Variants in SHANK2 observed in about 807,000 individuals in gnomAD.
SHANK2 encodes the protein SH3 and multiple ankyrin repeat domains protein 2.
A neutral mutation model predicts 133.7 loss-of-function variants in SHANK2; 43 were observed. The ratio of observed to expected loss-of-function variants is 0.32; its 90% CI spans 0.25 to 0.41. The LOEUF is 0.41. Among genes scored for constraint, SHANK2 ranks in the 10% least tolerant of loss-of-function variants. The pLI is 1.00. For missense variants in SHANK2, 1,994 were observed against 2,235.8 expected (o/e 0.89, Z 2.18); for synonymous variants, 1,017 against 952.8 (o/e 1.07, Z -1.24).
chr11:70,920,581 T>G (rs1250816291), intron 10 of SHANK2, among the ~76,000 whole-genome samples: 2 of 152,210 alleles, frequency 1.3e-5, no homozygotes, highest in African/African-American at 4.8e-5. Flanking sequence ...AAATTAAACA[T>G]AGCTGCTGGC....
intron 2 of SHANK2, among the ~76,000 whole-genome samples, chr11:71,203,241 A>C (rs537657326): frequency 1.3e-5 from 2 of 152,326 alleles, no homozygotes; most frequent in Admixed American, 6.5e-5. Context: ...ACCTTTGCCA[A>C]GACCTTAGTG....
chr11:70,848,414 A>G (rs73532102), intron 11 of SHANK2, among the ~76,000 whole-genome samples: 6,585 of 152,256 alleles, frequency 0.043, 426 homozygotes, highest in African/African-American at 0.15. Flanking sequence ...AGTGAGCTCC[A>G]CGGGACCCTG....
At chr11:70,617,983 T>TATA (rs1167875769) in intron 17 of SHANK2, among the ~76,000 whole-genome samples, 3 of 151,860 alleles carry the variant, frequency 2.0e-5, no homozygotes, top group African/African-American at 7.3e-5. Flanking sequence ...AAACTTAAAG[T>TATA]ATAATAATAA....
chr11:70,778,989 T>C (rs989151342), intron 14 of SHANK2, among the ~76,000 whole-genome samples: 3 of 151,768 alleles, frequency 2.0e-5, no homozygotes, highest in Non-Finnish European at 2.9e-5. Context: ...AAGGACAGGG[T>C]TGGTACCCAG....
rs781927915 is a variant in SHANK2, at chr11:70,502,893, C to T, written c.2100G>A (p.Gln700=). Residue 700 remains glutamine, a synonymous_variant, in exon 18 of 26, where the codon CAG becomes CAA. Transcript: ENST00000601538. ...CTCCCTGCCGGATCATGTTCACCACCTGCCTGTGGCCGACTTTGACAACAT... is the reference window on the plus strand; with the variant it reads ...CTCCCTGCCGGATCATGTTCACCACTTGCCTGTGGCCGACTTTGACAACAT... The part of the protein sequence containing the change: ...NENVVKVGHR[Q]VVNMIRQGGN... The T allele has an allele frequency of 1.5e-5, 25 of 1,614,066 alleles. No individual in the cohort carries two copies. The South Asian group carries it at 2.5e-4, about 16-fold the overall frequency.
chr11:71,065,859 T>G (rs1951048289), intron 9 of SHANK2, among the ~76,000 whole-genome samples: 2 of 60,154 alleles, frequency 3.3e-5, no homozygotes, highest in South Asian at 6.7e-4. Flanking sequence ...CCCAGGGAGA[T>G]GAGCGGTGAG....
intron 17 of SHANK2, among the ~76,000 whole-genome samples, chr11:70,607,315 AG>A (rs1328777655): frequency 6.6e-6 from 1 of 152,140 alleles, no homozygotes; most frequent in East Asian, 1.9e-4. Flanking sequence ...GGAAGGTCAG[AG>A]GTGACCAGCT....
Position 70,748,805 on chromosome 11 carries a change from T to C in SHANK2, c.1777+49638A>G, listed in dbSNP as rs759516130. Among the ~76,000 whole-genome samples the C allele has an allele frequency of 6.0e-4, 92 of 152,290 alleles. 1 individual carries two copies. Among genetic ancestry groups the C allele is most frequent in the Middle Eastern group, 3.4e-3 (1 of 294 alleles). Reference sequence around the variant, plus strand: ...TGACCGTGAATGTGAAGACCACTAGTGCCGAATAAGCTGGCGACCCCCTCC... The same window carrying C: ...TGACCGTGAATGTGAAGACCACTAGCGCCGAATAAGCTGGCGACCCCCTCC... On this transcript the variant is annotated intron_variant, in intron 14 of 25. Transcript: ENST00000601538.
At position 70,486,212 on chromosome 11, in the gene SHANK2, T is replaced by C; in HGVS notation, c.4081A>G (p.Ile1361Val). 6.2e-7 allele frequency: 1 copy of C among 1,613,604 alleles called. No homozygotes were observed. The highest frequency in any genetic ancestry group is 8.5e-7 in the Non-Finnish European group (1 of 1,179,862). Residue 1361 changes from isoleucine to valine, a missense_variant, in exon 25 of 26, where the codon ATC becomes GTC. By Grantham distance (29) the Ile-to-Val change is conservative. Transcript: ENST00000601538. The surrounding 1 kb of genome is among the most constrained non-coding windows in gnomAD (Gnocchi z 8.0). ...GTGGTGGGCTCGGGGGCAGCGGAGA[T>C]CTGTAAAGCACCTTCGGTTTCGGAA... ...GVSETEGALQ[I>V]SAAPEPTTVP...
intron 3 of SHANK2, among the ~76,000 whole-genome samples, chr11:71,141,912 C>T (rs1419048077): frequency 2.0e-5 from 3 of 152,064 alleles, no homozygotes; most frequent in Non-Finnish European, 2.9e-5. Context: ...GGACCCCGCA[C>T]AGACACAAAA....
At chr11:70,506,710 G>T (rs534751772) in intron 17 of SHANK2, among the ~76,000 whole-genome samples, 3 of 152,288 alleles carry the variant, frequency 2.0e-5, no homozygotes, top group Admixed American at 6.5e-5. Context: ...ATGGTATCCG[G>T]TGAGCCCTGG....
In SHANK2 at chr11:71,200,831, T is replaced by TACACACACACAC. The variant is rs56749664; in HGVS notation, c.-13+23854_-13+23865dup. ...CAGAGAGGTATCAAGTCTCAATTAA[T>TACACACACACAC]ACACACACACACACACACACACACA... On this transcript the variant is annotated intron_variant, in intron 2 of 25. Coordinates refer to ENST00000601538, the MANE Select transcript of SHANK2 (RefSeq NM_012309.5). Among the ~76,000 whole-genome samples, 193 of 145,032 alleles carry TACACACACACAC rather than the reference T, an allele frequency of 1.3e-3. 1 individual carries two copies. The highest frequency in any genetic ancestry group is 4.5e-3 in the African/African-American group (176 of 39,174).
intron 14 of SHANK2, among the ~76,000 whole-genome samples, chr11:70,748,334 C>A (rs1946685470): frequency 2.0e-5 from 3 of 152,128 alleles, no homozygotes. Context: ...ATCCCTGGGG[C>A]AAAAGGTCCT....
intron 8 of SHANK2, among the ~76,000 whole-genome samples, chr11:71,087,232 T>C (rs1261443832): frequency 1.3e-5 from 2 of 152,116 alleles, no homozygotes; most frequent in African/African-American, 4.8e-5. Context: ...GAGTGACTGA[T>C]GGTCAGGGCT....
At chr11:70,661,575 G>A in intron 16 of SHANK2, 21 bp downstream of exon 16, 4 of 1,554,382 alleles carry the variant, frequency 2.6e-6, no homozygotes, top group Admixed American at 1.7e-5. Flanking sequence ...ACATATTCAG[G>A]CTCAGAGCGG....
intron 11 of SHANK2, among the ~76,000 whole-genome samples, chr11:70,849,515 G>A (rs1038588309): frequency 6.6e-6 from 1 of 152,146 alleles, no homozygotes; most frequent in Admixed American, 6.5e-5. Flanking sequence ...GGCTCAGGGT[G>A]GACCCCAGAG....
At chr11:71,100,068 C>G (rs1555096361) in intron 6 of SHANK2, among the ~76,000 whole-genome samples, 1 of 150,150 alleles carries the variant, frequency 6.7e-6, no homozygotes, top group Non-Finnish European at 1.5e-5. Flanking sequence ...AAAAAAGACA[C>G]CTCAACACAA....
chr11:71,144,570 T>C (rs1320014827), intron 3 of SHANK2, among the ~76,000 whole-genome samples: 7 of 152,094 alleles, frequency 4.6e-5, no homozygotes, highest in Non-Finnish European at 8.8e-5. Context: ...AAAGCATCTA[T>C]GTGTTAAGTG....
chr11:71,113,230 A>G, intron 5 of SHANK2, 63 bp downstream of exon 5: 1 of 1,412,216 alleles, frequency 7.1e-7, no homozygotes, highest in Non-Finnish European at 9.8e-7. Context: ...AAGATAACAC[A>G]ACAAGATAAC....
Sources: allele counts gnomAD v4.1 joint callset (sites outside exome capture counted in the v4.1 genomes callset), GRCh38; gene constraint gnomAD v4.1.1; non-coding constraint Gnocchi (gnomAD v3.1); transcripts MANE v1.5; gene names NCBI Gene and HGNC (gene_info 2026-07-23, HGNC 2026-07-21).